RABL2A: variants seen among roughly 807,000 people sequenced by gnomAD.
RABL2A encodes the protein RAB, member of RAS oncogene family like 2A, also known as rab-like protein 2A.
RABL2A carries 17 observed loss-of-function variants against 30.7 expected under a neutral mutation model. The ratio of observed to expected loss-of-function variants is 0.55; its 90% confidence interval spans 0.38 to 0.83. The LOEUF (loss-of-function observed/expected upper bound fraction) is 0.83, where lower values mean the gene tolerates loss of function less well. Among genes scored for constraint, RABL2A ranks in the 40% least tolerant of loss-of-function variants. RABL2A has a pLI of 0.00. For synonymous variants in RABL2A, 64 were observed against 101.8 expected (o/e 0.63, Z 2.24); for missense variants, 155 against 272.6 (o/e 0.57, Z 3.04).
chr2:113,642,259 C>T lies in RABL2A; in HGVS notation c.*130C>T. On this transcript the variant is annotated 3_prime_UTR_variant, in exon 9 of 9. Transcript: ENST00000683472. ...TCCTGCAACCCACCCATCCTATTAG[C>T]CTCCCACATTCAAGGCCCGTGATAC... 6 of 1,481,344 alleles carry T rather than the reference C, an allele frequency of 4.1e-6. No homozygotes were observed. Among genetic ancestry groups the T allele is most frequent in the Non-Finnish European group, 5.4e-6 (6 of 1,111,898 alleles). The allele number at this position is 1,481,344 out of a possible 1,614,324, so 91.8% of individuals were successfully genotyped here.
intron 2 of RABL2A, among the ~76,000 whole-genome samples, chr2:113,632,344 G>C: frequency 6.6e-6 from 1 of 152,186 alleles, no homozygotes; most frequent in East Asian, 1.9e-4. Flanking sequence ...TTTTTCACAG[G>C]ATAACTGACC....
Position 113,642,370 on chromosome 2 carries a change from C to A in RABL2A, c.*241C>A. 3 of 936,602 alleles carry A rather than the reference C, an allele frequency of 3.2e-6. No individual in the cohort carries two copies. Among genetic ancestry groups the A allele is most frequent in the Non-Finnish European group, 4.7e-6 (3 of 645,102 alleles). 58.0% of individuals were successfully genotyped at this position (936,602 alleles called of 1,614,324 possible). On this transcript the variant is annotated 3_prime_UTR_variant, in exon 9 of 9. Transcript: ENST00000683472. ...TTGAAGCAGAATTAGGGATCAGCAT[C>A]ATTAACACCTTCCCCACCCCCTCCC...
chr2:113,629,005 G>T (rs1679204035), intron 2 of RABL2A, among the ~76,000 whole-genome samples: 1 of 151,448 alleles, frequency 6.6e-6, no homozygotes, highest in African/African-American at 2.4e-5. Flanking sequence ...GGATGGCAAG[G>T]GCGGGGAGTG....
Position 113,640,973 on chromosome 2 carries a change from T to G in RABL2A, c.377T>G (p.Ile126Ser). 4 of 1,613,686 alleles carry G rather than the reference T, an allele frequency of 2.5e-6. No homozygotes were observed. Among genetic ancestry groups the G allele is most frequent in the Middle Eastern group, 1.7e-4 (1 of 6,054 alleles). The change falls in exon 6 of 9, where the codon ATC becomes AGC. Residue 126 changes from isoleucine to serine, a missense_variant. This residue lies in a region of RABL2A where 6 missense variants were observed against 24.1 expected (regional missense o/e 0.25). Transcript: ENST00000683472. ...YTELREFRPE[I>S]PCIVVANKID... Reference sequence around the variant, plus strand: ...GAGCTTCGGGAGTTCAGGCCAGAGATCCCATGCATCGTGGTGGCCAATAAA... The same window carrying G: ...GAGCTTCGGGAGTTCAGGCCAGAGAGCCCATGCATCGTGGTGGCCAATAAA...
At chr2:113,641,171 G>A in intron 6 of RABL2A, 166 bp downstream of exon 6, 1 of 925,450 alleles carries the variant, frequency 1.1e-6, no homozygotes, top group Non-Finnish European at 1.6e-6. Context: ...TTATAAAGAA[G>A]CCAGCTAAGC....
Position 113,642,623 on chromosome 2 carries a change from C to T in RABL2A, c.*494C>T, listed in dbSNP as rs540033635. 1 of 213,668 alleles carries T rather than the reference C, an allele frequency of 4.7e-6. No individual in the cohort carries two copies. The highest frequency in any genetic ancestry group is 1.5e-4 in the East Asian group (1 of 6,786). 13.2% of individuals were successfully genotyped at this position (213,668 alleles called of 1,614,324 possible). A position where few individuals can be genotyped will look rare whatever the true frequency, so the allele number is the denominator to read the frequency against. ...TCCCATCTTTTTTCCTCTTCAATCT[C>T]CCAGTCATCTGGTTTGTTTGTTTCT... On this transcript the variant is annotated 3_prime_UTR_variant, in exon 9 of 9. Transcript: ENST00000683472.
intron 5 of RABL2A, among the ~76,000 whole-genome samples, chr2:113,636,960 G>T (rs181414675): frequency 0.093 from 14,070 of 150,516 alleles, 790 homozygotes; most frequent in South Asian, 0.13. Flanking sequence ...CTGCACTCCA[G>T]CCTGGGCAAC....
intron 3 of RABL2A, 44 bp downstream of exon 3, chr2:113,632,988 C>G (rs1040650796): frequency 6.2e-7 from 1 of 1,613,982 alleles, no homozygotes; most frequent in African/African-American, 1.3e-5. Context: ...TGTGGGTCTT[C>G]CCACGCTCAT....
chr2:113,633,540 C>G lies in RABL2A; in HGVS notation c.137+596C>G, dbSNP rs976235613. 2.0e-5 allele frequency: 4 copies of G among 197,332 alleles called. No homozygotes were observed. In the Admixed American group the frequency reaches 2.1e-4, roughly 11 times the overall value. 12.2% of individuals were successfully genotyped at this position (197,332 alleles called of 1,614,324 possible). A position where few individuals can be genotyped will look rare whatever the true frequency, so the allele number is the denominator to read the frequency against. On this transcript the variant is annotated intron_variant, in intron 3 of 8. Coordinates refer to ENST00000683472, the MANE Select transcript of RABL2A (RefSeq NM_001306158.2). ...GCTCGGCACCCCAAGGCTCAGTTGC[C>G]TTAAGATCTGAGTATGTGTTACTCC...
intron 5 of RABL2A, among the ~76,000 whole-genome samples, chr2:113,636,805 A>G (rs793073): frequency 0.37 from 56,122 of 150,930 alleles, 12,215 homozygotes; most frequent in African/African-American, 0.63. Flanking sequence ...TGGCTAACAC[A>G]GTGAAACCCC....
intron 2 of RABL2A, among the ~76,000 whole-genome samples, chr2:113,629,090 A>G (rs1679245155): frequency 6.6e-6 from 1 of 150,828 alleles, no homozygotes; most frequent in Admixed American, 6.6e-5. Flanking sequence ...TCTTGGAGGG[A>G]CTCTCTGAAA....
intron 5 of RABL2A, chr2:113,640,533 G>C: frequency 3.3e-6 from 1 of 303,342 alleles, no homozygotes. Context: ...GCGCCACCAC[G>C]CCCAGCTAAT....
At chr2:113,631,559 G>C (rs1680371518) in intron 2 of RABL2A, among the ~76,000 whole-genome samples, 1 of 152,212 alleles carries the variant, frequency 6.6e-6, no homozygotes, top group Non-Finnish European at 1.5e-5. Flanking sequence ...GACAGTGACA[G>C]AGGCAGCTTC....
chr2:113,635,355 G>T (rs1682170501), intron 5 of RABL2A: 2 of 574,018 alleles, frequency 3.5e-6, no homozygotes, highest in Middle Eastern at 4.8e-4. Context: ...AGGTGGAACA[G>T]CAAGCTCAGG....
rs555150652 is a variant in RABL2A, at chr2:113,643,164, A to G, written c.*1035A>G. 1.1e-4 allele frequency: 51 copies of G among 455,430 alleles called. No individual in the cohort carries two copies. The highest frequency in any genetic ancestry group is 2.2e-4 in the Non-Finnish European group (49 of 226,542). 28.2% of individuals were successfully genotyped at this position (455,430 alleles called of 1,614,324 possible). ...CTTCCTTTAAAGTTCCTATTTCAGC[A>G]TAAAGAGGCTGTCCTTTTTTTTTAG... On this transcript the variant is annotated 3_prime_UTR_variant, in exon 9 of 9. Coordinates refer to ENST00000683472, the MANE Select transcript of RABL2A (RefSeq NM_001306158.2).
At chr2:113,634,738 A>G (rs1681845972) in intron 4 of RABL2A, 3 of 461,290 alleles carry the variant, frequency 6.5e-6, no homozygotes, top group South Asian at 2.0e-5. Flanking sequence ...TTTGGAACTT[A>G]GAGGACCCTG....
At chr2:113,638,137 G>A (rs1683644284) in intron 5 of RABL2A, 1 of 985,318 alleles carries the variant, frequency 1.0e-6, no homozygotes, top group South Asian at 4.7e-5. Context: ...CTGGTGTGAG[G>A]CAGATTCCAG....
intron 5 of RABL2A, among the ~76,000 whole-genome samples, chr2:113,639,071 C>A (rs1468147157): frequency 6.6e-6 from 1 of 151,630 alleles, no homozygotes; most frequent in East Asian, 1.9e-4. Context: ...TCACTTGAGC[C>A]CGGGAGTCCA....
At chr2:113,633,791 G>A (rs1283786664) in intron 3 of RABL2A, 5 of 285,028 alleles carry the variant, frequency 1.8e-5, no homozygotes, top group Non-Finnish European at 3.5e-5. Context: ...CCTAGGGTTA[G>A]GGTTTCCTTT....
Sources: allele counts gnomAD v4.1 joint callset (sites outside exome capture counted in the v4.1 genomes callset), GRCh38; gene constraint gnomAD v4.1.1; regional missense constraint gnomAD v4.1.1; transcripts MANE v1.5; gene names NCBI Gene and HGNC (gene_info 2026-07-23, HGNC 2026-07-21).